DNAH14: variants seen among roughly 807,000 people sequenced by gnomAD.
DNAH14 encodes the protein axonemal beta dynein heavy chain 14.
A neutral mutation model predicts 520.9 loss-of-function variants in DNAH14; 478 were observed. That is an observed-to-expected ratio of 0.92 (90% CI 0.85 to 0.99). The LOEUF is 0.99. Among genes scored for constraint, DNAH14 ranks in the 50% least tolerant of loss-of-function variants. DNAH14 has a pLI of 0.00. For synonymous variants in DNAH14, 1,581 were observed against 1,757.2 expected (o/e 0.90, Z 2.51); for missense variants, 4,831 against 5,234.5 (o/e 0.92, Z 2.38).
At position 225,097,229 on chromosome 1, in the gene DNAH14, G is replaced by A. The variant is rs780660428; in HGVS notation, c.3685G>A (p.Glu1229Lys). 33 of 1,549,842 alleles carry A rather than the reference G, an allele frequency of 2.1e-5. No individual in the cohort carries two copies. The highest frequency in any genetic ancestry group is 2.5e-5 in the Non-Finnish European group (29 of 1,146,182). Reference protein sequence around the residue: ...LYLEPVFHSSEIRRQLPAETE... With the variant: ...LYLEPVFHSSKIRRQLPAETE... Reference sequence around the variant, plus strand: ...TCTTGAACCAGTCTTTCATTCTTCAGAAATACGAAGGTAAAATACCTAAAA... The same window carrying A: ...TCTTGAACCAGTCTTTCATTCTTCAAAAATACGAAGGTAAAATACCTAAAA... The change falls in exon 22 of 86, where the codon GAA (glutamate) becomes AAA (lysine). Residue 1229 changes from glutamate (E) to lysine (K), a missense_variant. By Grantham distance (56) the Glu-to-Lys change is moderately conservative. Transcript: ENST00000682510.
In DNAH14 at chr1:225,080,431, A is replaced by G; in HGVS notation, c.2819A>G (p.Glu940Gly). 6.4e-7 allele frequency: 1 copy of G among 1,550,992 alleles called. No individual in the cohort carries two copies. The highest frequency in any genetic ancestry group is 1.2e-5 in the South Asian group (1 of 83,860). Reference sequence around the variant, plus strand: ...GGTACTCAAGTGTCAACAGCAATGGAAATGATCCAGACTCTCTCAGGGGAA... The same window carrying G: ...GGTACTCAAGTGTCAACAGCAATGGGAATGATCCAGACTCTCTCAGGGGAA... Reference protein sequence around the residue: ...CAGTQVSTAMEMIQTLSGEAA... With the variant: ...CAGTQVSTAMGMIQTLSGEAA... The change falls in exon 19 of 86, where the codon GAA (glutamate) becomes GGA (glycine). Residue 940 changes from glutamate to glycine, a missense_variant. Physicochemically the swap from Glu to Gly is moderately conservative, Grantham distance 98 (BLOSUM62 -2). Transcript: ENST00000682510.
Position 225,360,713 on chromosome 1 carries a change from G to C in DNAH14, c.11809G>C (p.Ala3937Pro). The C allele has an allele frequency of 1.9e-6, 3 of 1,551,684 alleles. No homozygotes were observed. Among genetic ancestry groups the C allele is most frequent in the Non-Finnish European group, 2.6e-6 (3 of 1,146,978 alleles). Residue 3937 changes from alanine to proline, a missense_variant, in exon 75 of 86, where the codon GCA (alanine) becomes CCA (proline). Physicochemically the swap from Ala to Pro is conservative, Grantham distance 27. Coordinates refer to ENST00000682510, the MANE Select transcript of DNAH14 (RefSeq NM_001367479.1). ...IDLTNILLRFAQELKGTTHHV... is the reference protein window; with the variant it reads ...IDLTNILLRFPQELKGTTHHV... ...CCTTACCAATATCCTCCTGAGATTT[G>C]CACAAGAGTTAAAAGGAACAACACA...
At chr1:225,257,816 T>G in intron 44 of DNAH14, 144 bp from the exon 45 acceptor site, 3 of 631,118 alleles carry the variant, frequency 4.8e-6, no homozygotes, top group Non-Finnish European at 7.5e-6. Context: ...ATTACAGGCG[T>G]GAGCCACCGT....
At chr1:225,127,841 T>C (rs931515703) in intron 27 of DNAH14, among the ~76,000 whole-genome samples, 4 of 152,218 alleles carry the variant, frequency 2.6e-5, no homozygotes, top group African/African-American at 4.8e-5. Context: ...TTGCAGCGGC[T>C]GGTAACAGTT....
In DNAH14 at chr1:224,952,753, C is replaced by G. The variant is rs750980879; in HGVS notation, c.51C>G (p.Asp17Glu). 1 of 1,600,968 alleles carries G rather than the reference C, an allele frequency of 6.2e-7. No individual in the cohort carries two copies. Among genetic ancestry groups the G allele is most frequent in the East Asian group, 2.2e-5 (1 of 44,550 alleles). The change falls in exon 2 of 86, where the codon GAC becomes GAG. Residue 17 changes from aspartate to glutamate, a missense_variant. Coordinates refer to ENST00000682510, the MANE Select transcript of DNAH14 (RefSeq NM_001367479.1). The stretch of plus-strand genomic sequence containing the variant: ...TGACAACTGAAAATCAAGAGATGGA[C>G]AAGGAGGAAACCAAGACAAAACCAA... ...IDLTTENQEM[D>E]KEETKTKPRL...
At chr1:225,357,996 A>C in intron 73 of DNAH14, 1 of 556,942 alleles carries the variant, frequency 1.8e-6, no homozygotes, top group South Asian at 2.7e-5. Flanking sequence ...CTTTTAGTCC[A>C]TCTAGCATTC....
In DNAH14 at chr1:225,261,787, T is replaced by A. The variant is rs537164532; in HGVS notation, c.7158-2410T>A. The stretch of plus-strand genomic sequence containing the variant: ...CAATTCTGGGCTTTTCTTTGATGGG[T>A]CACTTTATTACTGATTCAATTTCTT... On this transcript the variant is annotated intron_variant, in intron 46 of 85. Transcript: ENST00000682510. 4.6e-5 allele frequency among the ~76,000 whole-genome samples: 7 copies of A among 152,032 alleles called. 1 individual carries two copies. Among genetic ancestry groups the A allele is most frequent in the Non-Finnish European group, 8.8e-5 (6 of 67,932 alleles).
At chr1:224,978,383 TGTTAA>T (rs1435302443) in intron 8 of DNAH14, among the ~76,000 whole-genome samples, 7 of 152,234 alleles carry the variant, frequency 4.6e-5, no homozygotes, top group African/African-American at 1.7e-4. Context: ...GAGGACATCA[TGTTAA>T]GTTAAATAAG....
intron 17 of DNAH14, 27 bp downstream of exon 17, chr1:225,051,822 G>A (rs2068562839): frequency 2.1e-6 from 3 of 1,396,120 alleles, no homozygotes; most frequent in East Asian, 2.5e-5. Context: ...TTCTTATTGT[G>A]TAAGAATGTT....
At chr1:225,312,230 T>A (rs2094381621) in intron 60 of DNAH14, among the ~76,000 whole-genome samples, 1 of 152,208 alleles carries the variant, frequency 6.6e-6, no homozygotes, top group Non-Finnish European at 1.5e-5. Context: ...AGTTTGCTCA[T>A]GATTTGGCTC....
chr1:225,173,175 A>C (rs1390395596), intron 36 of DNAH14, among the ~76,000 whole-genome samples: 2 of 152,182 alleles, frequency 1.3e-5, no homozygotes, highest in African/African-American at 2.4e-5. Context: ...AACCTAGGCA[A>C]TACCATTCAG....
At chr1:225,318,736 T>A in intron 61 of DNAH14, 59 bp downstream of exon 61, 1 of 1,451,084 alleles carries the variant, frequency 6.9e-7, no homozygotes, top group East Asian at 2.5e-5. Context: ...TAAATTCATG[T>A]TTACTAAGCC....
At chr1:225,239,601 G>C (rs1331600434) in intron 42 of DNAH14, among the ~76,000 whole-genome samples, 3 of 152,102 alleles carry the variant, frequency 2.0e-5, no homozygotes, top group Non-Finnish European at 2.9e-5. Context: ...GAGTGCCAAG[G>C]GTGGCCGCTG....
intron 38 of DNAH14, among the ~76,000 whole-genome samples, chr1:225,198,050 C>T (rs1180282876): frequency 6.6e-6 from 1 of 152,068 alleles, no homozygotes; most frequent in African/African-American, 2.4e-5. Flanking sequence ...TCTGATTGCT[C>T]TGGCTAGGAT....
Position 225,227,417 on chromosome 1 carries a change from C to G in DNAH14, c.6440-3656C>G, listed in dbSNP as rs529373768. 7.2e-4 allele frequency among the ~76,000 whole-genome samples: 110 copies of G among 152,274 alleles called. 1 individual carries two copies. Among genetic ancestry groups the G allele is most frequent in the African/African-American group, 2.5e-3 (102 of 41,560 alleles). On this transcript the variant is annotated intron_variant, in intron 41 of 85. Coordinates refer to ENST00000682510, the MANE Select transcript of DNAH14 (RefSeq NM_001367479.1). The stretch of plus-strand genomic sequence containing the variant: ...CTGCACAGCCCTAAATCCATTAAAC[C>G]TTGAGTCAATACAACACATGTTTCT...
chr1:225,360,610 C>T (rs2095482217), intron 74 of DNAH14, 71 bp from the exon 75 acceptor site: 1 of 1,331,352 alleles, frequency 7.5e-7, no homozygotes, highest in Admixed American at 2.1e-5. Context: ...TCAATAAATG[C>T]TGGATTGTGA....
At chr1:225,124,664 T>G (rs2077554440) in intron 27 of DNAH14, among the ~76,000 whole-genome samples, 1 of 152,200 alleles carries the variant, frequency 6.6e-6, no homozygotes, top group Non-Finnish European at 1.5e-5. Context: ...CACTGAAGTC[T>G]TGAACCCCTT....
At chr1:225,084,809 C>G (rs1186802691) in intron 20 of DNAH14, among the ~76,000 whole-genome samples, 1 of 13,696 alleles carries the variant, frequency 7.3e-5, no homozygotes, top group African/African-American at 8.6e-5. Context: ...ATTCACTTCA[C>G]TGAAATTTTG....
At chr1:225,100,679 A>G in intron 22 of DNAH14, 34 bp from the exon 23 acceptor site, 1 of 1,457,726 alleles carries the variant, frequency 6.9e-7, no homozygotes, top group Middle Eastern at 2.4e-4. Flanking sequence ...GTGCCTTAAA[A>G]AAAATAAAAT....
Sources: gnomAD v4.1 joint callset for allele counts (sites outside exome capture counted in the v4.1 genomes callset) on GRCh38, gnomAD v4.1.1 for gene constraint, MANE v1.5 for transcripts, NCBI Gene and HGNC (gene_info 2026-07-23, HGNC 2026-07-21) for gene names.